The following ULK4 variants were observed in gnomAD, a reference collection of about 807,000 sequenced individuals.
ULK4 encodes unc-51 like kinase 4.
ULK4 carries 133 observed loss-of-function variants against 160.6 expected under a neutral mutation model. That is an observed-to-expected ratio of 0.83 (90% CI 0.72 to 0.96). The LOEUF (loss-of-function observed/expected upper bound fraction) is 0.96, where lower values mean the gene tolerates loss of function less well. Ranked by LOEUF, ULK4 falls within the 40% of genes least tolerant of loss-of-function variation. ULK4 has a pLI of 0.00. For synonymous variants in ULK4, 534 were observed against 539.8 expected (o/e 0.99, Z 0.15); for missense variants, 1,580 against 1,499.5 (o/e 1.05, Z -0.89).
intron 2 of ULK4, among the ~76,000 whole-genome samples, chr3:41,951,417 G>T (rs1345925862): frequency 6.7e-6 from 1 of 150,044 alleles, no homozygotes; most frequent in Admixed American, 6.6e-5. Flanking sequence ...AAAAAAGCTG[G>T]AAAACACACA....
intron 35 of ULK4, among the ~76,000 whole-genome samples, chr3:41,388,381 A>C (rs1357877915): frequency 1.3e-5 from 2 of 151,960 alleles, no homozygotes; most frequent in Admixed American, 1.3e-4. Context: ...TAGTTTAATT[A>C]GATCCCATTT....
intron 30 of ULK4, among the ~76,000 whole-genome samples, chr3:41,654,637 A>C (rs918060870): frequency 6.6e-6 from 1 of 152,206 alleles, no homozygotes; most frequent in African/African-American, 2.4e-5. Context: ...CTGATAAAAG[A>C]AGCAAAAACT....
intron 35 of ULK4, among the ~76,000 whole-genome samples, chr3:41,298,815 G>A (rs1032786001): frequency 1.3e-5 from 2 of 152,218 alleles, no homozygotes; most frequent in African/African-American, 4.8e-5. Flanking sequence ...GCACACTGGT[G>A]TGTACTAGTT....
At chr3:41,247,541 T>C (rs2078667002) in intron 36 of ULK4, among the ~76,000 whole-genome samples, 1 of 149,978 alleles carries the variant, frequency 6.7e-6, no homozygotes. Context: ...CAGTGACCCT[T>C]GAAGTGTAAA....
intron 12 of ULK4, among the ~76,000 whole-genome samples, chr3:41,906,342 T>C (rs1406866480): frequency 1.4e-5 from 2 of 143,222 alleles, no homozygotes; most frequent in African/African-American, 5.2e-5. Context: ...TTACGCAAAA[T>C]AGTGGGACCC....
intron 35 of ULK4, among the ~76,000 whole-genome samples, chr3:41,386,910 G>T (rs1445341417): frequency 6.6e-6 from 1 of 152,090 alleles, no homozygotes; most frequent in African/African-American, 2.4e-5. Context: ...TTTCCTCAAG[G>T]CTCTTGAGGT....
At chr3:41,512,276 G>T (rs2085604377) in intron 32 of ULK4, among the ~76,000 whole-genome samples, 1 of 152,174 alleles carries the variant, frequency 6.6e-6, no homozygotes, top group African/African-American at 2.4e-5. Flanking sequence ...GTTCTAGCCA[G>T]AGCAATCAGA....
intron 27 of ULK4, among the ~76,000 whole-genome samples, chr3:41,691,318 G>T (rs1430623369): frequency 6.6e-6 from 1 of 151,852 alleles, no homozygotes; most frequent in Admixed American, 6.6e-5. Flanking sequence ...CTGGAAGCAT[G>T]CCAACATATA....
At chr3:41,725,808 C>T (rs2037629005) in intron 22 of ULK4, among the ~76,000 whole-genome samples, 1 of 152,112 alleles carries the variant, frequency 6.6e-6, no homozygotes, top group African/African-American at 2.4e-5. Context: ...CCTAGGGTTA[C>T]GGTTAAACTT....
chr3:41,691,069 C>T (rs186056245), intron 27 of ULK4, among the ~76,000 whole-genome samples: 3 of 151,942 alleles, frequency 2.0e-5, no homozygotes, highest in Admixed American at 6.6e-5. Flanking sequence ...GAAGCTTCCT[C>T]GTAAGATCTA....
intron 32 of ULK4, among the ~76,000 whole-genome samples, chr3:41,506,768 ATATATATATATATATATAT>A (rs1356887139): frequency 1.5e-5 from 1 of 66,760 alleles, no homozygotes; most frequent in African/African-American, 8.6e-5. Flanking sequence ...GTGATTTAAA[ATATATATATATATATATAT>A]ATATATATAT....
intron 32 of ULK4, among the ~76,000 whole-genome samples, chr3:41,530,593 A>G (rs1195272151): frequency 3.3e-5 from 5 of 152,196 alleles, no homozygotes; most frequent in Non-Finnish European, 7.3e-5. Context: ...GTCACAGCCC[A>G]GCCTACAGCT....
chr3:41,253,669 C>T (rs866440640), intron 35 of ULK4, among the ~76,000 whole-genome samples: 23 of 152,080 alleles, frequency 1.5e-4, no homozygotes, highest in African/African-American at 5.1e-4. Flanking sequence ...TTGTAACATA[C>T]CAAGAATTAC....
rs544293864 is a variant in ULK4 at position 41,897,126 on chromosome 3, A to G, written c.1349-123T>C. 6.7e-6 allele frequency: 5 copies of G among 748,602 alleles called. No individual in the cohort carries two copies. In the Admixed American group the frequency reaches 1.5e-4, roughly 22 times the overall value. The allele number at this position is 748,602 out of a possible 1,614,324, so 46.4% of individuals were successfully genotyped here. A position where few individuals can be genotyped will look rare whatever the true frequency, so the allele number is the denominator to read the frequency against. ...TGAGGACAAACATTACACTGTCAAA[A>G]CCAAAAATACTCCAAAGATGACACT... On this transcript the variant is annotated intron_variant, in intron 14 of 36. Transcript: ENST00000301831.
intron 21 of ULK4, among the ~76,000 whole-genome samples, chr3:41,773,968 G>A (rs1464549832): frequency 2.0e-5 from 3 of 152,114 alleles, no homozygotes; most frequent in Admixed American, 6.5e-5. Flanking sequence ...ACAAGCAATG[G>A]GAAAAGGATT....
At chr3:41,408,625 T>C (rs561884607) in intron 34 of ULK4, among the ~76,000 whole-genome samples, 2 of 152,170 alleles carry the variant, frequency 1.3e-5, no homozygotes, top group East Asian at 1.9e-4. Context: ...AAAATTCATA[T>C]GGAAATGCCA....
chr3:41,837,473 A>G (rs1296304506), intron 17 of ULK4, among the ~76,000 whole-genome samples: 1 of 152,082 alleles, frequency 6.6e-6, no homozygotes, highest in Non-Finnish European at 1.5e-5. Flanking sequence ...ATCATATACT[A>G]TATTAGATCA....
rs2082557615 is a variant in ULK4 at position 41,417,643 on chromosome 3, T to C, written c.3493-19379A>G. 2.0e-5 allele frequency among the ~76,000 whole-genome samples: 3 copies of C among 152,050 alleles called. No homozygotes were observed. In the South Asian group the frequency reaches 6.2e-4, roughly 32 times the overall value. ...GTTACTTTTTGAGGTATACAGAGGC[T>C]CCTCCCATCTAGGCAGCAGGAACAA... is the stretch of plus-strand genomic sequence containing the variant. On this transcript the variant is annotated intron_variant, in intron 34 of 36. Coordinates refer to ENST00000301831, the MANE Select transcript of ULK4 (RefSeq NM_017886.4).
intron 34 of ULK4, among the ~76,000 whole-genome samples, chr3:41,430,965 A>G (rs906780368): frequency 6.6e-6 from 1 of 152,232 alleles, no homozygotes; most frequent in Non-Finnish European, 1.5e-5. Flanking sequence ...TTCATCTTAA[A>G]TAAGTCCCAC....
Sources: gnomAD v4.1 joint callset for allele counts (sites outside exome capture counted in the v4.1 genomes callset) on GRCh38, gnomAD v4.1.1 for gene constraint, MANE v1.5 for transcripts, NCBI Gene and HGNC (gene_info 2026-07-23, HGNC 2026-07-21) for gene names.